The following ZNF181 variants were observed in gnomAD, a reference collection of about 807,000 sequenced individuals.
ZNF181 encodes the protein zinc finger protein 181.
ZNF181 carries 8 observed loss-of-function variants against 11.9 expected under a neutral mutation model. The observed-to-expected ratio is 0.67, with a 90% CI of 0.39 to 1.21. The LOEUF (loss-of-function observed/expected upper bound fraction) is 1.21. ZNF181 is among the 50% of genes most tolerant of loss of function. ZNF181 has a pLI of 0.01. For missense variants in ZNF181, 542 were observed against 670.9 expected, an observed-to-expected ratio of 0.81 and a Z score of 2.12; for synonymous variants, 202 against 221.1, an observed-to-expected ratio of 0.91 and a Z score of 0.77.
At chr19:34,739,399 GC>G in intron 2 of ZNF181, 123 bp from the exon 3 acceptor site, 1 of 1,566,634 alleles carries the variant, frequency 6.4e-7, no homozygotes, top group South Asian at 1.2e-5. Flanking sequence ...GCTCTGTTGT[GC>G]CCTGCCTGAA....
chr19:34,737,339 A>G (rs761667758), intron 1 of ZNF181, among the ~76,000 whole-genome samples: 2 of 152,360 alleles, frequency 1.3e-5, no homozygotes, highest in Admixed American at 6.5e-5. Context: ...CATGCATGCA[A>G]AATATCCAAA....
At chr19:34,738,996 C>T (rs2068927704) in intron 1 of ZNF181, among the ~76,000 whole-genome samples, 152 bp from the exon 2 acceptor site, 1 of 152,180 alleles carries the variant, frequency 6.6e-6, no homozygotes, top group African/African-American at 2.4e-5. Flanking sequence ...CATAACTGTC[C>T]TATTATTACT....
At position 34,738,613 on chromosome 19, in the gene ZNF181, C is replaced by T. The variant is rs144460890; in HGVS notation, c.10-535C>T. On this transcript the variant is annotated intron_variant, in intron 1 of 3. Transcript: ENST00000492450. Reference sequence around the variant, plus strand: ...GGCTGGAGTGCAGTGGCGCAACCTCCGCCTCTTGGGTTCAAGCCATTCTCC... The same window carrying T: ...GGCTGGAGTGCAGTGGCGCAACCTCTGCCTCTTGGGTTCAAGCCATTCTCC... Among the ~76,000 whole-genome samples, 44 of 151,728 alleles carry T rather than the reference C, an allele frequency of 2.9e-4. No homozygotes were observed. The East Asian group carries it at 4.6e-3, about 16-fold the overall frequency.
chr19:34,738,407 A>T (rs1174760609), intron 1 of ZNF181, among the ~76,000 whole-genome samples: 1 of 152,252 alleles, frequency 6.6e-6, no homozygotes, highest in East Asian at 1.9e-4. Context: ...AGAGCCCTCA[A>T]GGCCTAATCA....
At chr19:34,740,210 T>G (rs1011934112) in intron 3 of ZNF181, among the ~76,000 whole-genome samples, 1 of 152,240 alleles carries the variant, frequency 6.6e-6, no homozygotes, top group Non-Finnish European at 1.5e-5. Context: ...TTAAGCATGT[T>G]AATCTGGCAG....
At chr19:34,736,274 A>G (rs2068887771) in intron 1 of ZNF181, 8 of 671,142 alleles carry the variant, frequency 1.2e-5, no homozygotes, top group Non-Finnish European at 2.2e-5. Context: ...TAGAATTGAA[A>G]AACTGGTGTG....
Position 34,742,101 on chromosome 19 carries a change from A to C in ZNF181, c.*4A>C. ...TTACAGAAGAGAAACTGTATGAAGC[A>C]GTGGTTATCATGGTAAATTTCCTAG... On this transcript the variant is annotated 3_prime_UTR_variant, in exon 4 of 4. Transcript: ENST00000492450. The C allele has an allele frequency of 6.5e-7, 1 of 1,534,704 alleles. No individual in the cohort carries two copies. The highest frequency in any genetic ancestry group is 1.3e-5 in the South Asian group (1 of 76,514).
intron 1 of ZNF181, among the ~76,000 whole-genome samples, chr19:34,738,179 A>G (rs1212047725): frequency 2.0e-5 from 3 of 152,250 alleles, no homozygotes; most frequent in Non-Finnish European, 4.4e-5. Flanking sequence ...CTGCTATAAC[A>G]GAATACCACA....
chr19:34,738,954 C>A (rs1198270557), intron 1 of ZNF181, among the ~76,000 whole-genome samples, 194 bp from the exon 2 acceptor site: 1 of 152,234 alleles, frequency 6.6e-6, no homozygotes, highest in African/African-American at 2.4e-5. Flanking sequence ...AAGCACATAA[C>A]TGTCCCCCTT....
rs1197708728 is a variant in ZNF181 at position 34,742,839 on chromosome 19, T to C, written c.*742T>C. 2.6e-5 allele frequency: 4 copies of C among 152,204 alleles called. No homozygotes were observed. Among genetic ancestry groups the C allele is most frequent in the Admixed American group, 2.6e-4 (4 of 15,284 alleles). The allele number at this position is 152,204 out of a possible 1,614,324, so 9.4% of individuals were successfully genotyped here. ...AATAAAGTGATGTTAATAAAAGTTTTGGCATCTAATAAAATCATTTTGTAT... is the reference window on the plus strand; with the variant it reads ...AATAAAGTGATGTTAATAAAAGTTTCGGCATCTAATAAAATCATTTTGTAT... On this transcript the variant is annotated 3_prime_UTR_variant, in exon 4 of 4. Coordinates refer to ENST00000492450, the MANE Select transcript of ZNF181 (RefSeq NM_001029997.4).
intron 2 of ZNF181, 46 bp from the exon 3 acceptor site, chr19:34,739,477 A>C (rs760936075): frequency 6.2e-7 from 1 of 1,608,410 alleles, no homozygotes; most frequent in Non-Finnish European, 8.5e-7. Context: ...ATGGCCTCTC[A>C]TAATAGAGGA....
chr19:34,734,748 T>G lies in ZNF181; in HGVS notation c.-290T>G. ...GAACGAGCTGATAAAGTTTTTACCA[T>G]TGTTTTATGAGGATTTTATTTACAG... is the stretch of plus-strand genomic sequence containing the variant. On this transcript the variant is annotated 5_prime_UTR_variant, in exon 1 of 4. Transcript: ENST00000492450. 3 of 471,776 alleles carry G rather than the reference T, an allele frequency of 6.4e-6. No homozygotes were observed. The highest frequency in any genetic ancestry group is 7.5e-6 in the Non-Finnish European group (2 of 267,508). 29.2% of individuals were successfully genotyped at this position (471,776 alleles called of 1,614,324 possible). A position where few individuals can be genotyped will look rare whatever the true frequency, so the allele number is the denominator to read the frequency against.
rs2068928473 is a variant in ZNF181, at chr19:34,739,063, C to T, written c.10-85C>T. The T allele has an allele frequency of 6.3e-6, 10 of 1,583,434 alleles. No homozygotes were observed. The South Asian group carries it at 8.0e-5, about 13-fold the overall frequency. On this transcript the variant is annotated intron_variant, in intron 1 of 3. Transcript: ENST00000492450. ...AACTCCTGAATCTTGTTCCATTTCT[C>T]CCACAACCAGGCTAATTTTACCCTT...
intron 1 of ZNF181, among the ~76,000 whole-genome samples, chr19:34,738,076 TTGTC>T (rs2068912802): frequency 6.6e-6 from 1 of 152,234 alleles, no homozygotes; most frequent in African/African-American, 2.4e-5. Context: ...ATTTTAATAA[TTGTC>T]TATCAGTACA....
chr19:34,739,744 A>G (rs2068941062), intron 3 of ZNF181, 123 bp downstream of exon 3: 1 of 1,018,762 alleles, frequency 9.8e-7, no homozygotes. Flanking sequence ...CTCAGATAGA[A>G]ATGAAAAATT....
rs1436317490 is a variant in ZNF181, at chr19:34,745,335, C to A, written c.*3238C>A. ...CAAACTATTTCACTGTGTCTTGCCT[C>A]AGTTTCTCCATCTGTAAAATGATAA... On this transcript the variant is annotated 3_prime_UTR_variant, in exon 4 of 4. Transcript: ENST00000492450. The A allele has an allele frequency of 1.3e-5, 2 of 152,174 alleles. No homozygotes were observed. Among genetic ancestry groups the A allele is most frequent in the Admixed American group, 1.3e-4 (2 of 15,266 alleles). The allele number at this position is 152,174 out of a possible 1,614,324, so 9.4% of individuals were successfully genotyped here. A position where few individuals can be genotyped will look rare whatever the true frequency, so the allele number is the denominator to read the frequency against.
Position 34,740,614 on chromosome 19 carries a change from G to A in ZNF181, c.233G>A (p.Trp78Ter), listed in dbSNP as rs750444270. ...KKLSKGMIPD[W>*]ESRWENKELS... is the part of the protein sequence containing the mutation. ...TTGCTTTTTTGATGTATTTCAGATT[G>A]GGAATCAAGATGGGAAAACAAGGAA... Residue 78 changes from tryptophan to a stop codon, truncating the protein, a stop_gained, in exon 4 of 4, where the codon TGG (tryptophan) becomes TAG (stop). Coordinates refer to ENST00000492450, the MANE Select transcript of ZNF181 (RefSeq NM_001029997.4). LOFTEE classifies it low-confidence loss of function (END_TRUNC). 2.6e-6 allele frequency: 4 copies of A among 1,553,014 alleles called. No homozygotes were observed. Among genetic ancestry groups the A allele is most frequent in the Non-Finnish European group, 3.5e-6 (4 of 1,153,356 alleles).
chr19:34,734,290 TG>T lies in ZNF181; in HGVS notation c.-745del, dbSNP rs1255388276. 6.6e-6 allele frequency: 1 copy of T among 152,326 alleles called. No homozygotes were observed. Among genetic ancestry groups the T allele is most frequent in the Non-Finnish European group, 1.5e-5 (1 of 68,126 alleles). The allele number at this position is 152,326 out of a possible 1,614,324, so 9.4% of individuals were successfully genotyped here. On this transcript the variant is annotated 5_prime_UTR_variant, in exon 1 of 4. Coordinates refer to ENST00000492450, the MANE Select transcript of ZNF181 (RefSeq NM_001029997.4). ...CGACTCCCAGGCTCCGGGACGATTC[TG>T]GGCAGTGTCGTCCCCAGAGGTCGGC...
chr19:34,739,480 A>G (rs778562587), intron 2 of ZNF181, 43 bp from the exon 3 acceptor site: 3 of 1,610,152 alleles, frequency 1.9e-6, no homozygotes, highest in Non-Finnish European at 2.5e-6. Flanking sequence ...GCCTCTCATA[A>G]TAGAGGACCA....
Sources: gnomAD v4.1 joint callset for allele counts (sites outside exome capture counted in the v4.1 genomes callset) on GRCh38, gnomAD v4.1.1 for gene constraint, MANE v1.5 for transcripts, NCBI Gene and HGNC (gene_info 2026-07-23, HGNC 2026-07-21) for gene names.